SMAP1: variants seen among roughly 807,000 people sequenced by gnomAD.
The protein encoded by SMAP1 is small ArfGAP 1.
A neutral mutation model predicts 58.5 loss-of-function variants in SMAP1; 24 were observed. The ratio of observed to expected loss-of-function variants is 0.41; its 90% CI spans 0.30 to 0.58. The LOEUF is 0.58. Among genes scored for constraint, SMAP1 ranks in the 20% least tolerant of loss-of-function variants. The probability of loss-of-function intolerance (pLI) is 0.29; values close to 1 mark genes in which losing one functional copy is unlikely to be tolerated. For synonymous variants in SMAP1, 216 were observed against 196.6 expected, an observed-to-expected ratio of 1.10 and a Z score of -0.82; for missense variants, 563 against 566.3, an observed-to-expected ratio of 0.99 and a Z score of 0.06.
chr6:70,763,472 G>C (rs1226484909), intron 3 of SMAP1, among the ~76,000 whole-genome samples: 1 of 152,110 alleles, frequency 6.6e-6, no homozygotes, highest in Non-Finnish European at 1.5e-5. Flanking sequence ...TCCGTATTCT[G>C]TGATACAACA....
intron 6 of SMAP1, among the ~76,000 whole-genome samples, chr6:70,808,736 C>T (rs1235289440): frequency 1.3e-5 from 2 of 152,086 alleles, no homozygotes; most frequent in African/African-American, 4.8e-5. Context: ...CAGATAGCTA[C>T]ATAATTAGTT....
At chr6:70,815,652 T>C (rs555407742) in intron 6 of SMAP1, among the ~76,000 whole-genome samples, 1 of 152,230 alleles carries the variant, frequency 6.6e-6, no homozygotes, top group South Asian at 2.1e-4. Context: ...GATAGTGGAA[T>C]GTAGGGATTT....
chr6:70,753,799 G>A lies in SMAP1; in HGVS notation c.253-1181G>A, dbSNP rs1374214354. Among the ~76,000 whole-genome samples, 3 of 151,464 alleles carry A rather than the reference G, an allele frequency of 2.0e-5. No individual in the cohort carries two copies. The East Asian group carries it at 5.8e-4, about 29-fold the overall frequency. On this transcript the variant is annotated intron_variant, in intron 2 of 10. Transcript: ENST00000370455. ...GCCCCTTTAATCCATTTTTCTCACT[G>A]CCCTCCGCCCCCCGCCCATTACTTC...
chr6:70,856,721 C>A, intron 8 of SMAP1, 138 bp from the exon 9 acceptor site: 1 of 773,762 alleles, frequency 1.3e-6, no homozygotes, highest in Non-Finnish European at 2.0e-6. Flanking sequence ...TGTAAGTGAT[C>A]CTCTTGAATG....
At chr6:70,809,798 A>G (rs1231963198) in intron 6 of SMAP1, among the ~76,000 whole-genome samples, 1 of 152,192 alleles carries the variant, frequency 6.6e-6, no homozygotes, top group Non-Finnish European at 1.5e-5. Flanking sequence ...ATTTTCCTCA[A>G]ATCTTTACAT....
At chr6:70,723,242 T>C (rs1768608685) in intron 1 of SMAP1, among the ~76,000 whole-genome samples, 1 of 152,214 alleles carries the variant, frequency 6.6e-6, no homozygotes. Flanking sequence ...CCCTTCTGCC[T>C]CAGCCTCCCA....
chr6:70,784,891 C>T (rs987382745), intron 4 of SMAP1, among the ~76,000 whole-genome samples: 1 of 152,118 alleles, frequency 6.6e-6, no homozygotes, highest in Non-Finnish European at 1.5e-5. Context: ...TTAGACAGAT[C>T]AACGAGACAG....
chr6:70,668,246 C>T, intron 1 of SMAP1, 105 bp downstream of exon 1: 1 of 1,075,934 alleles, frequency 9.3e-7, no homozygotes, highest in Non-Finnish European at 1.3e-6. Flanking sequence ...GCTTCGCTGG[C>T]CGGCTCCTGC....
rs1005636488 is a variant in SMAP1, at chr6:70,860,471, G to A, written c.*137G>A. ...CATATTAAGAATGATCTGATTGACC[G>A]TGTTGGTCTGTACTGATTCAATTTG... On this transcript the variant is annotated 3_prime_UTR_variant, in exon 11 of 11. Transcript: ENST00000370455. The A allele has an allele frequency of 3.3e-5, 35 of 1,045,670 alleles. No individual in the cohort carries two copies. Among genetic ancestry groups the A allele is most frequent in the Admixed American group, 2.8e-4 (9 of 31,698 alleles). 64.8% of individuals were successfully genotyped at this position (1,045,670 alleles called of 1,614,324 possible).
intron 6 of SMAP1, among the ~76,000 whole-genome samples, chr6:70,827,786 C>T (rs944383581): frequency 1.4e-4 from 22 of 152,192 alleles, no homozygotes; most frequent in South Asian, 4.1e-4. Context: ...CTGTTTGGGG[C>T]GGTAGTGTCC....
intron 8 of SMAP1, 96 bp downstream of exon 8, chr6:70,852,760 A>G: frequency 7.4e-7 from 1 of 1,342,410 alleles, no homozygotes; most frequent in Non-Finnish European, 9.8e-7. Context: ...TCTGAGCAGT[A>G]ACTGATTTAA....
Position 70,858,022 on chromosome 6 carries a change from C to T in SMAP1, c.1062C>T (p.Gly354=), listed in dbSNP as rs778234852. ...GCGTGCCTGTGCCTGCAGCTCCTGG[C>T]CTTATAGGAAATGTGATGGGACAGA... ...SMGVPVPAAP[G]LIGNVMGQSP... is the part of the protein sequence containing the mutation. Residue 354 remains glycine (G), a synonymous_variant, in exon 10 of 11, where the codon GGC becomes GGT. Transcript: ENST00000370455. The T allele has an allele frequency of 1.9e-6, 3 of 1,614,006 alleles. No homozygotes were observed. The African/African-American group carries it at 4.0e-5, about 22-fold the overall frequency.
chr6:70,834,355 A>T (rs1770481302), intron 6 of SMAP1, among the ~76,000 whole-genome samples: 1 of 140,934 alleles, frequency 7.1e-6, no homozygotes, highest in Admixed American at 7.5e-5. Flanking sequence ...ATGGAAGAAG[A>T]TTCAGTAAAA....
chr6:70,787,382 G>A (rs1194244769), intron 4 of SMAP1, among the ~76,000 whole-genome samples: 6 of 152,160 alleles, frequency 3.9e-5, no homozygotes, highest in Non-Finnish European at 7.3e-5. Flanking sequence ...TCAGGACATA[G>A]GCATGGGCAA....
At chr6:70,701,736 T>C (rs973355877) in intron 1 of SMAP1, among the ~76,000 whole-genome samples, 1 of 152,200 alleles carries the variant, frequency 6.6e-6, no homozygotes, top group Non-Finnish European at 1.5e-5. Context: ...TCCAGGGGGT[T>C]GAGGAGGGTA....
rs117107973 is a variant in SMAP1, at chr6:70,858,014, G to A, written c.1054G>A (p.Ala352Thr). ...FPSMGVPVPA[A>T]PGLIGNVMGQ... ...ATCGATGGGCGTGCCTGTGCCTGCAGCTCCTGGCCTTATAGGAAATGTGAT... is the reference window on the plus strand; with the variant it reads ...ATCGATGGGCGTGCCTGTGCCTGCAACTCCTGGCCTTATAGGAAATGTGAT... Residue 352 changes from alanine (A) to threonine (T), a missense_variant, in exon 10 of 11, where the codon GCT becomes ACT. Physicochemically the swap from Ala to Thr is moderately conservative, Grantham distance 58. This residue lies in a region of SMAP1 where 494 missense variants were observed against 473.8 expected (regional missense o/e 1.04). Coordinates refer to ENST00000370455, the MANE Select transcript of SMAP1 (RefSeq NM_001044305.3). 5 of 1,614,154 alleles carry A rather than the reference G, an allele frequency of 3.1e-6. No individual in the cohort carries two copies. The highest frequency in any genetic ancestry group is 4.2e-6 in the Non-Finnish European group (5 of 1,179,998).
intron 6 of SMAP1, among the ~76,000 whole-genome samples, chr6:70,803,403 G>A (rs2149959179): frequency 6.6e-6 from 1 of 151,874 alleles, no homozygotes; most frequent in East Asian, 1.9e-4. Flanking sequence ...TTCTTTATTA[G>A]TCTTGCTAGC....
At chr6:70,824,585 GAA>G (rs1770034618) in intron 6 of SMAP1, among the ~76,000 whole-genome samples, 1 of 152,024 alleles carries the variant, frequency 6.6e-6, no homozygotes, top group Non-Finnish European at 1.5e-5. Context: ...ATTATGCAGT[GAA>G]GTTTTAATTG....
chr6:70,722,835 G>C (rs1288426458), intron 1 of SMAP1, among the ~76,000 whole-genome samples: 2 of 152,250 alleles, frequency 1.3e-5, no homozygotes, highest in Admixed American at 6.5e-5. Flanking sequence ...GGGTGGGCCA[G>C]GTGTTCCTTG....
Sources: allele counts gnomAD v4.1 joint callset (sites outside exome capture counted in the v4.1 genomes callset), GRCh38; gene constraint gnomAD v4.1.1; regional missense constraint gnomAD v4.1.1; transcripts MANE v1.5; gene names NCBI Gene and HGNC (gene_info 2026-07-23, HGNC 2026-07-21).